ZBTB10: variants seen among roughly 807,000 people sequenced by gnomAD.
The protein encoded by ZBTB10 is zinc finger and BTB domain containing 10.
Under a neutral mutation model 76.4 loss-of-function variants are expected in ZBTB10, and 32 were observed. The observed-to-expected ratio is 0.42, with a 90% CI of 0.32 to 0.56. ZBTB10 has a LOEUF of 0.56. Ranked by LOEUF, ZBTB10 falls within the 20% of genes least tolerant of loss-of-function variation. ZBTB10 has a pLI of 0.14. For missense variants in ZBTB10, 1,057 were observed against 1,098.5 expected, an observed-to-expected ratio of 0.96 and a Z score of 0.53; for synonymous variants, 523 against 432.9, an observed-to-expected ratio of 1.21 and a Z score of -2.58.
chr8:80,491,815 T>G (rs772345085), intron 1 of ZBTB10, among the ~76,000 whole-genome samples: 2 of 152,216 alleles, frequency 1.3e-5, no homozygotes, highest in Non-Finnish European at 2.9e-5. Flanking sequence ...TTGTGAAATT[T>G]TCATAGCCTA....
At chr8:80,511,825 G>C (rs1416307540) in intron 2 of ZBTB10, among the ~76,000 whole-genome samples, 1 of 152,126 alleles carries the variant, frequency 6.6e-6, no homozygotes, top group African/African-American at 2.4e-5. Flanking sequence ...CAAAGGGCAA[G>C]ACTATTCAAG....
chr8:80,494,282 C>T (rs1032137006), intron 1 of ZBTB10, among the ~76,000 whole-genome samples: 1 of 152,172 alleles, frequency 6.6e-6, no homozygotes, highest in Non-Finnish European at 1.5e-5. Flanking sequence ...TTGCTTGTTT[C>T]TTTAACTGAA....
chr8:80,517,871 C>CTTTTTTTTTTTTTTTTTTT (rs773074047), intron 3 of ZBTB10, among the ~76,000 whole-genome samples: 1 of 76,842 alleles, frequency 1.3e-5, no homozygotes, highest in Non-Finnish European at 2.3e-5. Flanking sequence ...CGCCCGCCAC[C>CTTTTTTTTTTTTTTTTTTT]TTTTTTTTTT....
At chr8:80,495,692 A>G (rs1329924424) in intron 1 of ZBTB10, among the ~76,000 whole-genome samples, 1 of 152,178 alleles carries the variant, frequency 6.6e-6, no homozygotes, top group Non-Finnish European at 1.5e-5. Flanking sequence ...TATTAAATAA[A>G]TATGTAAAGT....
intron 2 of ZBTB10, among the ~76,000 whole-genome samples, chr8:80,502,699 C>G (rs1815955191): frequency 6.6e-6 from 1 of 150,742 alleles, no homozygotes; most frequent in Non-Finnish European, 1.5e-5. Flanking sequence ...GATATAGAAC[C>G]AAGGACTGGT....
chr8:80,500,272 T>G lies in ZBTB10; in HGVS notation c.1751T>G (p.Phe584Cys). The G allele has an allele frequency of 2.5e-6, 4 of 1,575,642 alleles. No individual in the cohort carries two copies. The highest frequency in any genetic ancestry group is 3.4e-6 in the Non-Finnish European group (4 of 1,160,068). Residue 584 changes from phenylalanine to cysteine, a missense_variant, in exon 2 of 6, where the codon TTT becomes TGT. Transcript: ENST00000455036. ...TRRKNQTTKR[F>C]IYNIPPNNET... ...AGGAAAAACCAAACTACAAAAAGAT[T>G]TATTTATAATATTCCACCTAATAAT...
At chr8:80,503,375 T>A (rs2131496129) in intron 2 of ZBTB10, among the ~76,000 whole-genome samples, 1 of 152,330 alleles carries the variant, frequency 6.6e-6, no homozygotes, top group East Asian at 1.9e-4. Context: ...TTTGACTGCT[T>A]GTAAAGACTT....
chr8:80,488,419 A>G (rs575765977), intron 1 of ZBTB10, among the ~76,000 whole-genome samples: 1 of 152,290 alleles, frequency 6.6e-6, no homozygotes, highest in East Asian at 1.9e-4. Context: ...TTGGTAAATT[A>G]TTGTAGTTTT....
At position 80,486,337 on chromosome 8, in the gene ZBTB10, G is replaced by T. The variant is rs947271312; in HGVS notation, c.-474G>T. On this transcript the variant is annotated 5_prime_UTR_variant, in exon 1 of 6. Coordinates refer to ENST00000455036, the MANE Select transcript of ZBTB10 (RefSeq NM_001105539.3). Reference sequence around the variant, plus strand: ...CAGTTTAGCGTGCCTCTCACCCTCAGCGCCTGCGAAGCCGGCGGCGGCGTC... The same window carrying T: ...CAGTTTAGCGTGCCTCTCACCCTCATCGCCTGCGAAGCCGGCGGCGGCGTC... 3.0e-6 allele frequency: 3 copies of T among 989,490 alleles called. No individual in the cohort carries two copies. Among genetic ancestry groups the T allele is most frequent in the Admixed American group, 6.1e-5 (1 of 16,292 alleles). The allele number at this position is 989,490 out of a possible 1,614,324, so 61.3% of individuals were successfully genotyped here.
chr8:80,507,079 G>A (rs1026639749), intron 2 of ZBTB10, among the ~76,000 whole-genome samples: 15 of 152,148 alleles, frequency 9.9e-5, no homozygotes, highest in Admixed American at 5.2e-4. Context: ...GGAGGCCGAG[G>A]CAGGTGGATC....
At chr8:80,503,546 C>T (rs377033635) in intron 2 of ZBTB10, among the ~76,000 whole-genome samples, 2 of 152,120 alleles carry the variant, frequency 1.3e-5, no homozygotes, top group Admixed American at 6.5e-5. Context: ...GAGACAGAGT[C>T]TCCCTGTGTC....
At chr8:80,499,419 A>C in intron 1 of ZBTB10, 75 bp from the exon 2 acceptor site, 1 of 1,411,020 alleles carries the variant, frequency 7.1e-7, no homozygotes, top group Non-Finnish European at 9.4e-7. Flanking sequence ...AAAACTTGAT[A>C]ATTGTTTTCC....
intron 2 of ZBTB10, among the ~76,000 whole-genome samples, chr8:80,505,124 AAAAT>A (rs1816017413): frequency 6.6e-6 from 1 of 152,210 alleles, no homozygotes; most frequent in South Asian, 2.1e-4. Context: ...ACAAATTAGC[AAAAT>A]AAAGTAAAAT....
chr8:80,519,170 G>T, intron 5 of ZBTB10, 53 bp from the exon 6 acceptor site: 1 of 1,536,948 alleles, frequency 6.5e-7, no homozygotes, highest in Non-Finnish European at 8.8e-7. Context: ...TGGTTCAAAT[G>T]CATTCTATTA....
rs1208344938 is a variant in ZBTB10 at position 80,486,609 on chromosome 8, G to C, written c.-202G>C. ...CGGTCGGAGGCGTCGGCCCGGCAGC[G>C]GCAGCGGCAGCGGACGCGTGCAGCA... On this transcript the variant is annotated 5_prime_UTR_variant, in exon 1 of 6. Coordinates refer to ENST00000455036, the MANE Select transcript of ZBTB10 (RefSeq NM_001105539.3). The C allele has an allele frequency of 3.2e-5, 32 of 987,200 alleles. No individual in the cohort carries two copies. Among genetic ancestry groups the C allele is most frequent in the Non-Finnish European group, 3.4e-5 (28 of 831,488 alleles). 61.2% of individuals were successfully genotyped at this position (987,200 alleles called of 1,614,324 possible). A position where few individuals can be genotyped will look rare whatever the true frequency, so the allele number is the denominator to read the frequency against.
At chr8:80,492,068 T>C (rs1410858113) in intron 1 of ZBTB10, among the ~76,000 whole-genome samples, 1 of 152,258 alleles carries the variant, frequency 6.6e-6, no homozygotes, top group Non-Finnish European at 1.5e-5. Context: ...GTTACTTGGT[T>C]GGTTTTTAAC....
In ZBTB10 at chr8:80,518,432, A is replaced by C; in HGVS notation, c.1990A>C (p.Met664Leu). The C allele has an allele frequency of 6.4e-7, 1 of 1,552,112 alleles. No homozygotes were observed. The highest frequency in any genetic ancestry group is 8.7e-7 in the Non-Finnish European group (1 of 1,147,524). Residue 664 changes from methionine (M) to leucine (L), a missense_variant, in exon 4 of 6, where the codon ATG becomes CTG. Around this residue, in one of 5 missense-constraint regions of ZBTB10, gnomAD observed 306 missense variants for 297.5 expected, o/e 1.03. Coordinates refer to ENST00000455036, the MANE Select transcript of ZBTB10 (RefSeq NM_001105539.3). ...GTSHDFKYGL[M>L]PGPSNDFKYG... is the part of the protein sequence containing the mutation. Reference sequence around the variant, plus strand: ...TTCACATGATTTCAAGTATGGTTTGATGCCTGGTCCTTCAAATGATTTCAA... The same window carrying C: ...TTCACATGATTTCAAGTATGGTTTGCTGCCTGGTCCTTCAAATGATTTCAA...
At chr8:80,496,258 T>G (rs924575703) in intron 1 of ZBTB10, among the ~76,000 whole-genome samples, 4 of 152,182 alleles carry the variant, frequency 2.6e-5, no homozygotes, top group Non-Finnish European at 5.9e-5. Context: ...TAGTGCTTTG[T>G]GCTTATTTAG....
chr8:80,507,367 C>T (rs933994822), intron 2 of ZBTB10, among the ~76,000 whole-genome samples: 1 of 151,706 alleles, frequency 6.6e-6, no homozygotes, highest in Admixed American at 6.6e-5. Flanking sequence ...AATCCCAGCA[C>T]TTTGGGAGGC....
Sources: allele counts gnomAD v4.1 joint callset (sites outside exome capture counted in the v4.1 genomes callset), GRCh38; gene constraint gnomAD v4.1.1; regional missense constraint gnomAD v4.1.1; transcripts MANE v1.5; gene names NCBI Gene and HGNC (gene_info 2026-07-23, HGNC 2026-07-21).